The following CLSTN1 variants were observed in gnomAD, a reference collection of about 807,000 sequenced individuals.
CLSTN1 encodes the protein calsyntenin 1.
A neutral mutation model predicts 108.3 loss-of-function variants in CLSTN1; 28 were observed. The observed-to-expected ratio is 0.26, with a 90% CI of 0.19 to 0.35. CLSTN1 has a LOEUF of 0.35. CLSTN1 is among the 10% of genes least tolerant of loss of function. CLSTN1 has a pLI of 1.00. For missense variants in CLSTN1, 1,157 were observed against 1,302.6 expected (o/e 0.89, Z 1.72); for synonymous variants, 524 against 534.9 (o/e 0.98, Z 0.28).
At chr1:9,791,170 T>C (rs955900070) in intron 1 of CLSTN1, among the ~76,000 whole-genome samples, 5 of 148,956 alleles carry the variant, frequency 3.4e-5, no homozygotes, top group African/African-American at 1.2e-4. Context: ...AAAGATGGAA[T>C]TGTTTCTCCT....
rs377547445 is a variant in CLSTN1 at position 9,735,877 on chromosome 1, G to A, written c.1734+8C>T. On this transcript the variant is annotated splice_region_variant and intron_variant, in intron 12 of 18. Transcript: ENST00000377298. Reference sequence around the variant, plus strand: ...ATGAGTGGTGTGCAGTCGAGCGCTCGGTGTTACCTGCACGCCTCTGCCACT... The same window carrying A: ...ATGAGTGGTGTGCAGTCGAGCGCTCAGTGTTACCTGCACGCCTCTGCCACT... 178 of 1,613,884 alleles carry A rather than the reference G, an allele frequency of 1.1e-4. No homozygotes were observed. Among genetic ancestry groups the A allele is most frequent in the Admixed American group, 6.7e-4 (40 of 60,010 alleles).
In CLSTN1 at chr1:9,823,220, A is replaced by T. The variant is rs1219085363; in HGVS notation, c.91+423T>A. Among the ~76,000 whole-genome samples the T allele has an allele frequency of 3.9e-5, 6 of 152,190 alleles. No homozygotes were observed. The highest frequency in any genetic ancestry group is 8.8e-5 in the Non-Finnish European group (6 of 68,010). On this transcript the variant is annotated intron_variant, in intron 1 of 18. Transcript: ENST00000377298. The surrounding 1 kb of genome is among the most constrained non-coding windows in gnomAD (Gnocchi z 6.3). ...GATGCACATCTGAGCACACGTACACAGAGCATCTCACCCAGGGGTGCAGCC... is the reference window on the plus strand; with the variant it reads ...GATGCACATCTGAGCACACGTACACTGAGCATCTCACCCAGGGGTGCAGCC...
At chr1:9,747,359 CCTTA>C (rs1651320998) in intron 7 of CLSTN1, among the ~76,000 whole-genome samples, 1 of 151,922 alleles carries the variant, frequency 6.6e-6, no homozygotes, top group African/African-American at 2.4e-5. Flanking sequence ...TGCCAGACCT[CCTTA>C]CTTAAATATA....
chr1:9,817,186 G>A, intron 1 of CLSTN1, among the ~76,000 whole-genome samples: 1 of 152,214 alleles, frequency 6.6e-6, no homozygotes, highest in East Asian at 1.9e-4. Flanking sequence ...GAGCAACACA[G>A]TGAGACGCCA....
At chr1:9,747,822 T>A (rs1651354997) in intron 7 of CLSTN1, among the ~76,000 whole-genome samples, 1 of 152,014 alleles carries the variant, frequency 6.6e-6, no homozygotes, top group Admixed American at 6.6e-5. Flanking sequence ...GGTGGGCGGA[T>A]CACGAGGTCA....
intron 1 of CLSTN1, among the ~76,000 whole-genome samples, chr1:9,796,022 G>A (rs1653976038): frequency 6.7e-6 from 1 of 150,320 alleles, no homozygotes; most frequent in Non-Finnish European, 1.5e-5. Context: ...AGCACTTTGG[G>A]AGGCCAAGGT....
At chr1:9,816,485 T>TTAAAAGGTTGAATTTTATGGTATGTGAAC (rs1363301813) in intron 1 of CLSTN1, among the ~76,000 whole-genome samples, 3 of 151,732 alleles carry the variant, frequency 2.0e-5, no homozygotes, top group Non-Finnish European at 4.4e-5. Context: ...ATTGTATGCC[T>TTAAAAGGTTGAATTTTATGGTATGTGAAC]TAAAAGGTTG....
chr1:9,753,987 T>C (rs1351248498), intron 4 of CLSTN1, among the ~76,000 whole-genome samples: 2 of 151,756 alleles, frequency 1.3e-5, no homozygotes, highest in Admixed American at 6.6e-5. Context: ...TGTTTATGTT[T>C]TGTAGAGATG....
intron 9 of CLSTN1, among the ~76,000 whole-genome samples, chr1:9,742,568 C>T (rs953439990): frequency 6.6e-6 from 1 of 152,090 alleles, no homozygotes; most frequent in African/African-American, 2.4e-5. Context: ...AGAACTGTAG[C>T]TAAAATGTCC....
chr1:9,785,701 C>G (rs1557714290), intron 1 of CLSTN1, among the ~76,000 whole-genome samples: 2 of 152,182 alleles, frequency 1.3e-5, no homozygotes, highest in Non-Finnish European at 1.5e-5. Flanking sequence ...GACATCCACC[C>G]CGTTAAGGAA....
Position 9,744,538 on chromosome 1 carries a change from T to G in CLSTN1, c.1091A>C (p.Glu364Ala), listed in dbSNP as rs779673799. ...CCTCACTGCCTGGGTGCCGTTGAAC[T>G]CAAACACCTGGTCGCTGTCGTGGCC... The part of the protein sequence containing the change: ...DNGHDSDQVF[E>A]FNGTQAVRIP... Residue 364 changes from glutamate (E) to alanine (A), a missense_variant, in exon 8 of 19, where the codon GAG becomes GCG. Physicochemically the swap from Glu to Ala is moderately radical, Grantham distance 107. Transcript: ENST00000377298. The G allele has an allele frequency of 6.2e-7, 1 of 1,613,272 alleles. No homozygotes were observed. Among genetic ancestry groups the G allele is most frequent in the African/African-American group, 1.3e-5 (1 of 74,826 alleles).
At chr1:9,757,741 AC>A (rs2101121953) in intron 2 of CLSTN1, among the ~76,000 whole-genome samples, 2 of 152,306 alleles carry the variant, frequency 1.3e-5, no homozygotes, top group African/African-American at 4.8e-5. Flanking sequence ...GCTCTGTTCT[AC>A]CAAGTCAATA....
chr1:9,781,202 A>C (rs1464097271), intron 1 of CLSTN1: 1 of 786,182 alleles, frequency 1.3e-6, no homozygotes, highest in Non-Finnish European at 2.2e-6. Flanking sequence ...TCGCAAGGCT[A>C]CTGAAGCACT....
At chr1:9,802,823 ATTT>A (rs34247091) in intron 1 of CLSTN1, among the ~76,000 whole-genome samples, 2 of 130,536 alleles carry the variant, frequency 1.5e-5, no homozygotes, top group Non-Finnish European at 3.1e-5. Flanking sequence ...ATTTTCTTAG[ATTT>A]TTTTTTTTTT....
At chr1:9,756,068 T>C (rs1337987797) in intron 3 of CLSTN1, among the ~76,000 whole-genome samples, 2 of 152,178 alleles carry the variant, frequency 1.3e-5, no homozygotes, top group Non-Finnish European at 2.9e-5. Flanking sequence ...CACAACTTAA[T>C]TAGGAGTTAA....
intron 1 of CLSTN1, among the ~76,000 whole-genome samples, chr1:9,789,989 G>C (rs1333688925): frequency 6.6e-6 from 1 of 151,072 alleles, no homozygotes; most frequent in Non-Finnish European, 1.5e-5. Flanking sequence ...AAAAAATAAA[G>C]TAAAATAAAT....
At chr1:9,790,085 G>C (rs999137212) in intron 1 of CLSTN1, among the ~76,000 whole-genome samples, 2 of 151,390 alleles carry the variant, frequency 1.3e-5, no homozygotes, top group African/African-American at 4.8e-5. Context: ...CTATTTATCT[G>C]CTTGTTTGGT....
intron 1 of CLSTN1, among the ~76,000 whole-genome samples, chr1:9,774,682 C>CA (rs1159639782): frequency 2.0e-5 from 3 of 151,872 alleles, no homozygotes; most frequent in Non-Finnish European, 4.4e-5. Context: ...AAAAGGGTCC[C>CA]AATCCAGCCC....
In CLSTN1 at chr1:9,731,880, G is replaced by A. The variant is rs751301278; in HGVS notation, c.2444C>T (p.Thr815Met). Residue 815 changes from threonine (T) to methionine (M), a missense_variant, in exon 17 of 19, where the codon ACG (threonine) becomes ATG (methionine). Transcript: ENST00000377298. ...GTTGGCGTGTTCCATGGGGTTGGCC[G>A]TGTGGATTACATTCACCTATAGCAG... ...EFKVEVNVIHTANPMEHANHM... is the reference protein window; with the variant it reads ...EFKVEVNVIHMANPMEHANHM... 1.2e-4 allele frequency: 194 copies of A among 1,614,008 alleles called. No homozygotes were observed. Among genetic ancestry groups the A allele is most frequent in the Non-Finnish European group, 1.6e-4 (185 of 1,180,044 alleles).
Sources: gnomAD v4.1 joint callset for allele counts (sites outside exome capture counted in the v4.1 genomes callset) on GRCh38, gnomAD v4.1.1 for gene constraint, Gnocchi (gnomAD v3.1) non-coding constraint, MANE v1.5 for transcripts, NCBI Gene and HGNC (gene_info 2026-07-23, HGNC 2026-07-21) for gene names.